Variants in WDPCP observed in about 807,000 individuals in gnomAD.
The protein encoded by WDPCP is WD repeat containing planar cell polarity effector.
A neutral mutation model predicts 93.1 loss-of-function variants in WDPCP; 71 were observed. The observed-to-expected ratio is 0.76, with a 90% CI of 0.63 to 0.93. The LOEUF (loss-of-function observed/expected upper bound fraction) is 0.93, where lower values mean the gene tolerates loss of function less well. Among genes scored for constraint, WDPCP ranks in the 40% least tolerant of loss-of-function variants. The probability of loss-of-function intolerance (pLI) is 0.00; values close to 1 mark genes in which losing one functional copy is unlikely to be tolerated. For missense variants in WDPCP, 844 were observed against 887.4 expected (o/e 0.95, Z 0.62); for synonymous variants, 315 against 315.0 (o/e 1.00, Z 0.00).
chr2:63,503,793 A>G (rs575920739), intron 1 of WDPCP, among the ~76,000 whole-genome samples: 13 of 152,256 alleles, frequency 8.5e-5, no homozygotes, highest in Admixed American at 3.9e-4. Context: ...AGGCAAGAGA[A>G]CACTGAAATG....
At chr2:63,382,140 A>G (rs1406590248) in intron 10 of WDPCP, 46 bp from the exon 11 acceptor site, 1 of 1,555,778 alleles carries the variant, frequency 6.4e-7, no homozygotes, top group Non-Finnish European at 8.7e-7. Context: ...AAAATAAAAT[A>G]GAATAACAAA....
intron 12 of WDPCP, among the ~76,000 whole-genome samples, chr2:63,313,886 A>ATATGTGTGTGTATATATATATATATATTT: frequency 2.7e-5 from 2 of 74,502 alleles, no homozygotes; most frequent in African/African-American, 1.0e-4. Context: ...ATATATATAT[A>ATATGTGTGTGTATATATATATATATATTT]TTTTTTTTTT....
chr2:63,764,586 A>G (rs1670111785), intron 2 of WDPCP, among the ~76,000 whole-genome samples: 1 of 152,228 alleles, frequency 6.6e-6, no homozygotes, highest in African/African-American at 2.4e-5. Context: ...AAAAAAGCAC[A>G]TTAAATATAA....
chr2:63,316,472 G>A (rs1306944583), intron 12 of WDPCP, among the ~76,000 whole-genome samples: 1 of 151,968 alleles, frequency 6.6e-6, no homozygotes, highest in Non-Finnish European at 1.5e-5. Context: ...GGGCAACATA[G>A]TAAAACCCCA....
chr2:63,740,125 A>G (rs1669692615), intron 2 of WDPCP, among the ~76,000 whole-genome samples: 1 of 152,146 alleles, frequency 6.6e-6, no homozygotes, highest in Non-Finnish European at 1.5e-5. Context: ...TGATGGGGCT[A>G]GAAAAAGTGC....
At position 63,484,737 on chromosome 2, in the gene WDPCP, T is replaced by C. The variant is rs114624688; in HGVS notation, c.325-74A>G. On this transcript the variant is annotated intron_variant, in intron 5 of 17. Transcript: ENST00000272321. ...CATTATCAGTTAAAGTGCCTCTGAT[T>C]TGCAAGCAAAAAAAGATCAACATGC... The C allele has an allele frequency of 4.4e-6, 7 of 1,590,302 alleles. No individual in the cohort carries two copies. The African/African-American group carries it at 6.7e-5, about 15-fold the overall frequency.
chr2:63,137,995 C>G (rs960215366), intron 17 of WDPCP, among the ~76,000 whole-genome samples: 1 of 150,816 alleles, frequency 6.6e-6, no homozygotes. Context: ...GCAATGATGC[C>G]TCCAGCTTTT....
chr2:63,541,708 T>C (rs973563211), intron 1 of WDPCP, among the ~76,000 whole-genome samples: 10 of 152,156 alleles, frequency 6.6e-5, no homozygotes, highest in African/African-American at 1.9e-4. Context: ...GCCAGTGCCA[T>C]ACCAACTAGT....
At chr2:63,622,315 C>T in intron 3 of WDPCP, 1 of 1,596,112 alleles carries the variant, frequency 6.3e-7, no homozygotes. Context: ...TTGGAAGGGG[C>T]CTCGCCTTGC....
In WDPCP at chr2:63,407,113, T is replaced by C. The variant is rs187339013; in HGVS notation, c.826-2456A>G. 1.6e-3 allele frequency among the ~76,000 whole-genome samples: 236 copies of C among 152,004 alleles called. 1 individual carries two copies. The highest frequency in any genetic ancestry group is 5.0e-3 in the African/African-American group (208 of 41,470). ...GTAAAATAAAGCAAAGTACAGGGAA[T>C]AGGGAGTGGCTGGAGTGGGGCTCGG... On this transcript the variant is annotated intron_variant, in intron 9 of 17. Transcript: ENST00000272321.
chr2:63,383,519 G>C (rs571042800), intron 10 of WDPCP, among the ~76,000 whole-genome samples: 2 of 152,190 alleles, frequency 1.3e-5, no homozygotes, highest in East Asian at 3.9e-4. Flanking sequence ...GTTCGAGACA[G>C]GCATGGCAAA....
At chr2:63,133,132 G>A (rs1670395697) in intron 17 of WDPCP, among the ~76,000 whole-genome samples, 1 of 152,176 alleles carries the variant, frequency 6.6e-6, no homozygotes. Flanking sequence ...GCCTGGACCT[G>A]TTTGTGGTTT....
In WDPCP at chr2:63,404,558, C is replaced by G. The variant is rs768493342; in HGVS notation, c.925G>C (p.Asp309His). 1.9e-6 allele frequency: 3 copies of G among 1,613,648 alleles called. No homozygotes were observed. In the South Asian group the frequency reaches 3.3e-5, roughly 18 times the overall value. Residue 309 changes from aspartate to histidine, a missense_variant, in exon 10 of 18, where the codon GAC (aspartate) becomes CAC (histidine). Transcript: ENST00000272321. The stretch of plus-strand genomic sequence containing the variant: ...CAGCTGTCAGCCATGGGCTCTTTGT[C>G]TACACTTACGGAGTGCTCCACTGTG... ...VFTVEHSVSV[D>H]KEPMADSCIY... is the part of the protein sequence containing the mutation.
chr2:63,562,043 T>C (rs1706667258), intron 1 of WDPCP, among the ~76,000 whole-genome samples: 1 of 152,174 alleles, frequency 6.6e-6, no homozygotes, highest in Non-Finnish European at 1.5e-5. Context: ...GGAGTATCAA[T>C]CATTCTGTTA....
At chr2:63,348,701 C>T (rs1689361264) in intron 12 of WDPCP, among the ~76,000 whole-genome samples, 1 of 151,962 alleles carries the variant, frequency 6.6e-6, no homozygotes, top group South Asian at 2.1e-4. Context: ...AGAATAATTC[C>T]ATGACAGTAA....
intron 12 of WDPCP, among the ~76,000 whole-genome samples, chr2:63,366,574 A>G (rs1406688243): frequency 6.6e-6 from 1 of 152,158 alleles, no homozygotes; most frequent in African/African-American, 2.4e-5. Context: ...ATGGATTATC[A>G]TATTAATTCT....
At chr2:63,793,533 C>T (rs1376401693) in intron 2 of WDPCP, among the ~76,000 whole-genome samples, 1 of 152,080 alleles carries the variant, frequency 6.6e-6, no homozygotes, top group African/African-American at 2.4e-5. Flanking sequence ...ACTGCTTGAG[C>T]CTAGGAGTTC....
intron 3 of WDPCP, among the ~76,000 whole-genome samples, chr2:63,596,982 CATTTATT>C (rs1709325869): frequency 6.6e-6 from 1 of 152,226 alleles, no homozygotes; most frequent in African/African-American, 2.4e-5. Flanking sequence ...CCTCAATAAA[CATTTATT>C]ATTTTTAAAT....
intron 12 of WDPCP, among the ~76,000 whole-genome samples, chr2:63,373,038 G>A (rs148866523): frequency 4.9e-4 from 74 of 152,092 alleles, no homozygotes; most frequent in African/African-American, 1.5e-3. Flanking sequence ...CAGGAGAATC[G>A]CTTGAACCTG....
Sources: gnomAD v4.1 joint callset for allele counts (sites outside exome capture counted in the v4.1 genomes callset) on GRCh38, gnomAD v4.1.1 for gene constraint, MANE v1.5 for transcripts, NCBI Gene and HGNC (gene_info 2026-07-23, HGNC 2026-07-21) for gene names.